The following PTPRQ variants were observed in gnomAD, a reference collection of about 807,000 sequenced individuals.
PTPRQ encodes the protein protein tyrosine phosphatase receptor type Q, also known as phosphatidylinositol phosphatase PTPRQ.
A neutral mutation model predicts 246.0 loss-of-function variants in PTPRQ; 199 were observed. The observed-to-expected ratio is 0.81, with a 90% CI of 0.72 to 0.91. PTPRQ has a LOEUF of 0.91. Ranked by LOEUF, PTPRQ falls within the 40% of genes least tolerant of loss-of-function variation. The probability of loss-of-function intolerance (pLI) is 0.00; values close to 1 mark genes in which losing one functional copy is unlikely to be tolerated. For missense variants in PTPRQ, 2,624 were observed against 2,528.4 expected, an observed-to-expected ratio of 1.04 and a Z score of -0.81; for synonymous variants, 869 against 853.2, an observed-to-expected ratio of 1.02 and a Z score of -0.32.
chr12:80,597,626 A>C (rs1036623096), intron 26 of PTPRQ, among the ~76,000 whole-genome samples: 1 of 151,944 alleles, frequency 6.6e-6, no homozygotes, highest in Non-Finnish European at 1.5e-5. Flanking sequence ...CATTTCTAAG[A>C]GTTGTAATCA....
chr12:80,522,790 T>C (rs186141707), intron 17 of PTPRQ, among the ~76,000 whole-genome samples: 87 of 152,346 alleles, frequency 5.7e-4, no homozygotes, highest in African/African-American at 2.0e-3. Flanking sequence ...GATTTTTGCA[T>C]TGATATTCAT....
intron 8 of PTPRQ, among the ~76,000 whole-genome samples, chr12:80,482,166 C>G (rs1191699505): frequency 1.3e-5 from 2 of 151,430 alleles, no homozygotes. Flanking sequence ...GGTACTGGTA[C>G]CAAAACAGAG....
At chr12:80,658,727 T>C (rs1900530763) in intron 39 of PTPRQ, among the ~76,000 whole-genome samples, 1 of 152,056 alleles carries the variant, frequency 6.6e-6, no homozygotes, top group Admixed American at 6.6e-5. Context: ...TGTCTCTTTA[T>C]ATTCTTACCC....
intron 25 of PTPRQ, 45 bp downstream of exon 25, chr12:80,549,779 T>A: frequency 1.3e-6 from 2 of 1,493,008 alleles, no homozygotes; most frequent in Non-Finnish European, 1.8e-6. Context: ...CTTTAACTAT[T>A]TGGGGATTGT....
At chr12:80,478,483 C>T (rs1263213518) in intron 8 of PTPRQ, among the ~76,000 whole-genome samples, 2 of 152,176 alleles carry the variant, frequency 1.3e-5, no homozygotes, top group East Asian at 3.9e-4. Flanking sequence ...CTCTCCTCCT[C>T]CAAAGGAATG....
intron 33 of PTPRQ, among the ~76,000 whole-genome samples, chr12:80,623,701 C>T (rs1045694647): frequency 2.0e-5 from 3 of 152,116 alleles, no homozygotes; most frequent in Non-Finnish European, 4.4e-5. Context: ...AGGAGCTAGC[C>T]TTGCTGTATT....
chr12:80,674,250 T>C (rs1439053379), intron 43 of PTPRQ, among the ~76,000 whole-genome samples: 2 of 152,124 alleles, frequency 1.3e-5, no homozygotes, highest in Admixed American at 6.6e-5. Flanking sequence ...CCAGGTTACA[T>C]TCTAGAAAAC....
intron 6 of PTPRQ, among the ~76,000 whole-genome samples, chr12:80,462,958 A>G (rs950427437): frequency 1.3e-5 from 2 of 152,060 alleles, no homozygotes; most frequent in African/African-American, 4.8e-5. Flanking sequence ...AAAGCAGAGC[A>G]CCTCTCCTCC....
At chr12:80,494,871 A>G in intron 10 of PTPRQ, 62 bp from the exon 11 acceptor site, 12 of 1,472,292 alleles carry the variant, frequency 8.2e-6, no homozygotes, top group Non-Finnish European at 1.1e-5. Flanking sequence ...CTAAGAAAAA[A>G]ATAATTTTGA....
chr12:80,458,455 T>A lies in PTPRQ; in HGVS notation c.460+811T>A, dbSNP rs762549828. 6.5e-4 allele frequency among the ~76,000 whole-genome samples: 99 copies of A among 152,178 alleles called. 1 individual carries two copies. The highest frequency in any genetic ancestry group is 1.0e-3 in the Non-Finnish European group (71 of 68,000). ...ATTTATGTGGCTATTACTTATAAATTATATTTTAGCATCCTTTTGTACAAT... is the reference window on the plus strand; with the variant it reads ...ATTTATGTGGCTATTACTTATAAATAATATTTTAGCATCCTTTTGTACAAT... On this transcript the variant is annotated intron_variant, in intron 4 of 44. Coordinates refer to ENST00000644991, the MANE Select transcript of PTPRQ (RefSeq NM_001145026.2).
At chr12:80,465,161 G>A (rs1893348805) in intron 6 of PTPRQ, 1 of 149,340 alleles carries the variant, frequency 6.7e-6, no homozygotes, top group African/African-American at 2.5e-5. Context: ...AATAAAAAAT[G>A]ATAAAGGGGA....
chr12:80,607,423 T>C (rs1200362465), intron 27 of PTPRQ, among the ~76,000 whole-genome samples: 1 of 137,204 alleles, frequency 7.3e-6, no homozygotes, highest in Admixed American at 7.0e-5. Context: ...TGGAATTAAG[T>C]AGAGGTATTT....
At chr12:80,485,261 T>C (rs77325543) in intron 9 of PTPRQ, among the ~76,000 whole-genome samples, 4,172 of 152,288 alleles carry the variant, frequency 0.027, 197 homozygotes, top group African/African-American at 0.095. Context: ...CTGTCTTTGT[T>C]CACCTCACTT....
At chr12:80,654,045 T>C (rs1180018835) in intron 38 of PTPRQ, among the ~76,000 whole-genome samples, 2 of 147,526 alleles carry the variant, frequency 1.4e-5, no homozygotes, top group Non-Finnish European at 2.9e-5. Context: ...TTTTTCTTTC[T>C]TTCTTTTCTT....
chr12:80,625,422 G>A lies in PTPRQ; in HGVS notation c.5686+3288G>A, dbSNP rs150488409. 3.9e-3 allele frequency among the ~76,000 whole-genome samples: 598 copies of A among 152,180 alleles called. 6 individuals carry two copies. Among genetic ancestry groups the A allele is most frequent in the African/African-American group, 0.014 (573 of 41,528 alleles). On this transcript the variant is annotated intron_variant, in intron 33 of 44. Transcript: ENST00000644991. ...TTCACTGGTATTTTGCACACCACAG[G>A]CAATGAGCACTAAGCCGAGTTGCCT...
Position 80,510,463 on chromosome 12 carries a change from A to C in PTPRQ, c.2678+20A>C, listed in dbSNP as rs775672432. ...TGTCTGGTAATAATTTTTTTTTTGGAAATAGTTCTGAGAACAGATATTAAT... is the reference window on the plus strand; with the variant it reads ...TGTCTGGTAATAATTTTTTTTTTGGCAATAGTTCTGAGAACAGATATTAAT... On this transcript the variant is annotated intron_variant, in intron 17 of 44. Transcript: ENST00000644991. The C allele has an allele frequency of 8.1e-5, 123 of 1,522,730 alleles. No individual in the cohort carries two copies. Among genetic ancestry groups the C allele is most frequent in the Non-Finnish European group, 9.3e-5 (105 of 1,131,540 alleles). 94.3% of individuals were successfully genotyped at this position (1,522,730 alleles called of 1,614,324 possible). A position where few individuals can be genotyped will look rare whatever the true frequency, so the allele number is the denominator to read the frequency against.
chr12:80,447,605 T>A (rs1892592499), intron 3 of PTPRQ, among the ~76,000 whole-genome samples: 1 of 152,044 alleles, frequency 6.6e-6, no homozygotes, highest in African/African-American at 2.4e-5. Context: ...TCCAGTTTCA[T>A]TCTCTTGGAT....
intron 17 of PTPRQ, chr12:80,525,968 C>G (rs745441597): frequency 2.6e-5 from 4 of 152,082 alleles, no homozygotes; most frequent in Non-Finnish European, 5.9e-5. Context: ...TCACAAGTCA[C>G]TAGCTCAGTG....
In PTPRQ at chr12:80,459,760, A is replaced by G. The variant is rs1228925889; in HGVS notation, c.660+277A>G. Among the ~76,000 whole-genome samples, 4 of 152,346 alleles carry G rather than the reference A, an allele frequency of 2.6e-5. No homozygotes were observed. The East Asian group carries it at 7.7e-4, about 29-fold the overall frequency. On this transcript the variant is annotated intron_variant, in intron 5 of 44. Transcript: ENST00000644991. ...TCTGAAAAGACTTCATCAAAGGAGTAGCATTTGTGATACACCATGGAGCAA... is the reference window on the plus strand; with the variant it reads ...TCTGAAAAGACTTCATCAAAGGAGTGGCATTTGTGATACACCATGGAGCAA...
Sources: gnomAD v4.1 joint callset for allele counts (sites outside exome capture counted in the v4.1 genomes callset) on GRCh38, gnomAD v4.1.1 for gene constraint, MANE v1.5 for transcripts, NCBI Gene and HGNC (gene_info 2026-07-23, HGNC 2026-07-21) for gene names.